Variants in LRP1B observed in about 807,000 individuals in gnomAD.
LRP1B encodes LDL receptor related protein 1B.
LRP1B carries 217 observed loss-of-function variants against 556.6 expected under a neutral mutation model. The observed-to-expected ratio is 0.39, with a 90% confidence interval of 0.35 to 0.44. LRP1B has a LOEUF of 0.44. LRP1B is among the 20% of genes least tolerant of loss of function. The pLI is 1.00. For synonymous variants in LRP1B, 2,047 were observed against 1,865.8 expected, an observed-to-expected ratio of 1.10 and a Z score of -2.50; for missense variants, 5,053 against 5,620.8, an observed-to-expected ratio of 0.90 and a Z score of 3.23.
intron 7 of LRP1B, among the ~76,000 whole-genome samples, chr2:141,122,592 A>G (rs1574096210): frequency 6.6e-6 from 1 of 152,278 alleles, no homozygotes; most frequent in South Asian, 2.1e-4. Flanking sequence ...TTAAAAAGTC[A>G]GGAAACAACA....
chr2:141,935,196 C>T (rs1213627521), intron 1 of LRP1B, among the ~76,000 whole-genome samples: 2 of 152,090 alleles, frequency 1.3e-5, no homozygotes, highest in African/African-American at 2.4e-5. Flanking sequence ...GAAAATAAAG[C>T]ATTTTAAACC....
intron 2 of LRP1B, among the ~76,000 whole-genome samples, chr2:141,497,457 G>A (rs190731974): frequency 2.6e-5 from 4 of 152,110 alleles, no homozygotes; most frequent in East Asian, 1.9e-4. Flanking sequence ...GCAACTTGGC[G>A]TCCTAGTTTA....
rs960097373 is a variant in LRP1B at position 140,908,446 on chromosome 2, A to G, written c.3320-369T>C. Among the ~76,000 whole-genome samples the G allele has an allele frequency of 2.7e-5, 4 of 150,046 alleles. No homozygotes were observed. In the South Asian group the frequency reaches 8.3e-4, roughly 31 times the overall value. On this transcript the variant is annotated intron_variant, in intron 21 of 90. Coordinates refer to ENST00000389484, the MANE Select transcript of LRP1B (RefSeq NM_018557.3). ...GTTTAATTGCAAAACTGTTAAAAGCAAACTTTAAAGATACATTTGTATATT... is the reference window on the plus strand; with the variant it reads ...GTTTAATTGCAAAACTGTTAAAAGCGAACTTTAAAGATACATTTGTATATT...
chr2:141,806,884 C>G (rs1434522373), intron 2 of LRP1B, among the ~76,000 whole-genome samples: 3 of 151,980 alleles, frequency 2.0e-5, no homozygotes, highest in Non-Finnish European at 4.4e-5. Flanking sequence ...AAATTCTATG[C>G]TAGAGTGGTC....
intron 32 of LRP1B, among the ~76,000 whole-genome samples, chr2:140,807,586 C>T (rs185006015): frequency 3.4e-5 from 5 of 148,960 alleles, no homozygotes; most frequent in African/African-American, 7.4e-5. Context: ...CTCCTGATCT[C>T]GTGATCCACC....
chr2:140,656,622 T>A (rs899868986), intron 41 of LRP1B, among the ~76,000 whole-genome samples: 1 of 152,156 alleles, frequency 6.6e-6, no homozygotes, highest in African/African-American at 2.4e-5. Flanking sequence ...CCATTTGTAA[T>A]TTTGCGGACT....
chr2:140,555,288 T>C (rs1680692710), intron 43 of LRP1B, among the ~76,000 whole-genome samples: 1 of 151,908 alleles, frequency 6.6e-6, no homozygotes, highest in Admixed American at 6.6e-5. Flanking sequence ...CCTGTAGTTA[T>C]ACATACGCAT....
chr2:141,727,468 C>G (rs980812639), intron 2 of LRP1B, among the ~76,000 whole-genome samples: 3 of 152,114 alleles, frequency 2.0e-5, no homozygotes, highest in African/African-American at 7.2e-5. Flanking sequence ...CACTACTTCT[C>G]CAGTACAATT....
intron 86 of LRP1B, among the ~76,000 whole-genome samples, chr2:140,263,982 A>C (rs1278061697): frequency 6.6e-6 from 1 of 152,050 alleles, no homozygotes; most frequent in Non-Finnish European, 1.5e-5. Context: ...TGGCTTACAC[A>C]ACAAGTTTAT....
intron 41 of LRP1B, among the ~76,000 whole-genome samples, chr2:140,663,327 AACT>A (rs571306696): frequency 1.3e-5 from 2 of 152,164 alleles, no homozygotes; most frequent in Non-Finnish European, 2.9e-5. Flanking sequence ...CATACAGAAA[AACT>A]ACAATAGTCC....
At chr2:141,103,021 T>G (rs1700505686) in intron 7 of LRP1B, among the ~76,000 whole-genome samples, 1 of 152,108 alleles carries the variant, frequency 6.6e-6, no homozygotes, top group African/African-American at 2.4e-5. Context: ...ATTCTATTTT[T>G]ATCATTTTAT....
chr2:141,417,490 C>T (rs1259245024), intron 3 of LRP1B, among the ~76,000 whole-genome samples: 4 of 152,278 alleles, frequency 2.6e-5, no homozygotes, highest in Middle Eastern at 3.4e-3. Context: ...AATTTTTCTT[C>T]TGTGACTGGC....
intron 72 of LRP1B, among the ~76,000 whole-genome samples, chr2:140,361,341 C>CATATTATATAT (rs1553454119): frequency 6.5e-5 from 2 of 30,714 alleles, no homozygotes; most frequent in African/African-American, 9.2e-5. Flanking sequence ...ACTTGGAAAG[C>CATATTATATAT]ATATATATAT....
chr2:141,463,006 C>A (rs1358552485), intron 3 of LRP1B, among the ~76,000 whole-genome samples: 1 of 152,072 alleles, frequency 6.6e-6, no homozygotes, highest in Non-Finnish European at 1.5e-5. Flanking sequence ...GACTATTGAG[C>A]TATATTGGGT....
chr2:140,748,818 TAA>T (rs1688463535), intron 35 of LRP1B, among the ~76,000 whole-genome samples: 1 of 93,350 alleles, frequency 1.1e-5, no homozygotes, highest in African/African-American at 4.5e-5. Flanking sequence ...TACATGTATA[TAA>T]TATATATCAT....
chr2:141,912,703 G>A (rs1699935394), intron 1 of LRP1B, among the ~76,000 whole-genome samples: 1 of 152,166 alleles, frequency 6.6e-6, no homozygotes, highest in African/African-American at 2.4e-5. Context: ...AAATTCCCAT[G>A]TGAAAGATGT....
chr2:141,335,256 A>G (rs1687806138), intron 3 of LRP1B, among the ~76,000 whole-genome samples: 1 of 152,218 alleles, frequency 6.6e-6, no homozygotes, highest in African/African-American at 2.4e-5. Context: ...GGTGGAAGCC[A>G]TGGAAGCCAG....
At chr2:141,724,428 C>T (rs1233823816) in intron 2 of LRP1B, among the ~76,000 whole-genome samples, 1 of 151,706 alleles carries the variant, frequency 6.6e-6, no homozygotes, top group Non-Finnish European at 1.5e-5. Context: ...GAACTTAGAA[C>T]ACCAAAAATC....
intron 1 of LRP1B, among the ~76,000 whole-genome samples, chr2:142,063,569 C>G (rs1164355737): frequency 1.3e-5 from 2 of 151,566 alleles, no homozygotes; most frequent in East Asian, 1.9e-4. Context: ...TATAACAGAT[C>G]TTTTCTAATT....
Sources: gnomAD v4.1 joint callset for allele counts (sites outside exome capture counted in the v4.1 genomes callset) on GRCh38, gnomAD v4.1.1 for gene constraint, MANE v1.5 for transcripts, NCBI Gene and HGNC (gene_info 2026-07-23, HGNC 2026-07-21) for gene names.